Variants in COL15A1 observed in about 807,000 individuals in gnomAD.
The protein encoded by COL15A1 is collagen type XV alpha 1 chain, also known as collagen alpha-1(XV) chain.
Under a neutral mutation model 165.9 loss-of-function variants are expected in COL15A1, and 111 were observed. The ratio of observed to expected loss-of-function variants is 0.67; its 90% confidence interval spans 0.57 to 0.78. The LOEUF (loss-of-function observed/expected upper bound fraction) is 0.78, where lower values mean the gene tolerates loss of function less well. Among genes scored for constraint, COL15A1 ranks in the 30% least tolerant of loss-of-function variants. The pLI, the probability that COL15A1 is intolerant of heterozygous loss-of-function variation, is 0.00. For missense variants in COL15A1, 1,745 were observed against 1,789.7 expected (o/e 0.98, Z 0.45); for synonymous variants, 659 against 674.8 (o/e 0.98, Z 0.36).
intron 4 of COL15A1, among the ~76,000 whole-genome samples, chr9:98,988,387 G>A (rs896991479): frequency 8.5e-5 from 13 of 152,124 alleles, no homozygotes; most frequent in African/African-American, 3.1e-4. Context: ...AAGAACAAGG[G>A]ATTGGTTACA....
rs1839097224 is a variant in COL15A1, at chr9:99,024,970, G to A, written c.1951G>A (p.Asp651Asn). ...FMGPPGSPGEDGPAGEPGPPG... is the reference protein window; with the variant it reads ...FMGPPGSPGENGPAGEPGPPG... ...GGGACCCCCTGGATCTCCTGGAGAG[G>A]ATGGACCTGCTGGTGAACCTGGGCC... Residue 651 changes from aspartate to asparagine, a missense_variant, in exon 15 of 42, where the codon GAT (aspartate) becomes AAT (asparagine). Physicochemically the swap from Asp to Asn is conservative, Grantham distance 23. Coordinates refer to ENST00000375001, the MANE Select transcript of COL15A1 (RefSeq NM_001855.5). The A allele has an allele frequency of 3.1e-6, 5 of 1,613,864 alleles. No individual in the cohort carries two copies. The African/African-American group carries it at 4.0e-5, about 13-fold the overall frequency.
In COL15A1 at chr9:99,035,074, C is replaced by T. The variant is rs142089094; in HGVS notation, c.2140C>T (p.Pro714Ser). The change falls in exon 18 of 42, where the codon CCT (proline) becomes TCT (serine). Residue 714 changes from proline (P) to serine (S), a missense_variant. Pro to Ser is a moderately conservative substitution (Grantham distance 74, BLOSUM62 -1). Coordinates refer to ENST00000375001, the MANE Select transcript of COL15A1 (RefSeq NM_001855.5). ...PPGKKGQAGP[P>S]GVMGPPGPPG... Reference sequence around the variant, plus strand: ...GGGGAAAAAGGGACAAGCTGGCCCTCCTGGGGTCATGGGACCCCCAGGGCC... The same window carrying T: ...GGGGAAAAAGGGACAAGCTGGCCCTTCTGGGGTCATGGGACCCCCAGGGCC... 3.2e-4 allele frequency: 512 copies of T among 1,610,530 alleles called. No homozygotes were observed. In the African/African-American group the frequency reaches 5.6e-3, roughly 18 times the overall value.
Position 98,944,041 on chromosome 9 carries a change from G to C in COL15A1, c.-21G>C. 3.1e-6 allele frequency: 5 copies of C among 1,613,720 alleles called. No individual in the cohort carries two copies. The highest frequency in any genetic ancestry group is 4.2e-6 in the Non-Finnish European group (5 of 1,179,738). Reference sequence around the variant, plus strand: ...CTGCTCGACTAGCCGCGCGCCTTCCGGGGCTCCGCAGACCCGCGAGATGGC... The same window carrying C: ...CTGCTCGACTAGCCGCGCGCCTTCCCGGGCTCCGCAGACCCGCGAGATGGC... On this transcript the variant is annotated 5_prime_UTR_variant, in exon 1 of 42. Transcript: ENST00000375001.
chr9:99,021,833 A>G (rs577655536), intron 12 of COL15A1, among the ~76,000 whole-genome samples: 317 of 152,258 alleles, frequency 2.1e-3, no homozygotes, highest in African/African-American at 7.1e-3. Flanking sequence ...GGAAGAAGGG[A>G]GGGTGTGTGT....
intron 2 of COL15A1, among the ~76,000 whole-genome samples, chr9:98,983,994 C>T (rs1190744092): frequency 2.0e-5 from 3 of 152,160 alleles, no homozygotes; most frequent in African/African-American, 4.8e-5. Context: ...GAGACAAACC[C>T]GCCAAGTCCT....
chr9:99,010,256 A>C lies in COL15A1; in HGVS notation c.1354-5161A>C, dbSNP rs115346216. Among the ~76,000 whole-genome samples the C allele has an allele frequency of 1.8e-3, 272 of 152,372 alleles. 1 individual carries two copies. The highest frequency in any genetic ancestry group is 6.3e-3 in the African/African-American group (264 of 41,594). ...AATGGCACAAGTACTTTAAAAGCAC[A>C]TACAGAAATGTAGAGCACCTGATTC... On this transcript the variant is annotated intron_variant, in intron 9 of 41. Transcript: ENST00000375001.
intron 16 of COL15A1, among the ~76,000 whole-genome samples, chr9:99,033,141 G>C (rs1839235574): frequency 6.6e-6 from 1 of 152,188 alleles, no homozygotes; most frequent in Non-Finnish European, 1.5e-5. Flanking sequence ...TTCTGCCTCT[G>C]TTGGTGCAGA....
chr9:99,066,599 GTTTTTTTTTTTT>G (rs67961829), intron 39 of COL15A1, among the ~76,000 whole-genome samples: 4 of 71,082 alleles, frequency 5.6e-5, no homozygotes, highest in East Asian at 7.3e-4. Context: ...ATTTTGTTCT[GTTTTTTTTTTTT>G]TTTTTTTTTT....
At chr9:98,947,217 A>G (rs1837601731) in intron 2 of COL15A1, among the ~76,000 whole-genome samples, 1 of 152,214 alleles carries the variant, frequency 6.6e-6, no homozygotes, top group African/African-American at 2.4e-5. Context: ...TCAGCAATAA[A>G]AAGGAATGAA....
At chr9:99,026,219 AG>A in intron 16 of COL15A1, among the ~76,000 whole-genome samples, 1 of 152,270 alleles carries the variant, frequency 6.6e-6, no homozygotes, top group East Asian at 1.9e-4. Context: ...GGTCACCTGG[AG>A]CGAGAAATGG....
intron 40 of COL15A1, among the ~76,000 whole-genome samples, chr9:99,068,317 T>TA (rs1453961158): frequency 2.0e-5 from 3 of 151,720 alleles, no homozygotes. Flanking sequence ...AATACAAAAT[T>TA]AGCCGGGTAT....
Position 98,997,084 on chromosome 9 carries a change from A to G in COL15A1, c.952+3A>G, listed in dbSNP as rs1233532276. On this transcript the variant is annotated splice_donor_region_variant and intron_variant, in intron 6 of 41. Coordinates refer to ENST00000375001, the MANE Select transcript of COL15A1 (RefSeq NM_001855.5). ...CCAGCACAGCAGCCCCAAACAAGGC[A>G]AGTCCGGATGCACATGCCTACGTAG... 4.3e-6 allele frequency: 7 copies of G among 1,614,064 alleles called. No homozygotes were observed. The highest frequency in any genetic ancestry group is 5.9e-6 in the Non-Finnish European group (7 of 1,180,024).
At chr9:99,040,474 G>T (rs1336286983) in intron 22 of COL15A1, 47 bp from the exon 23 acceptor site, 5 of 1,614,018 alleles carry the variant, frequency 3.1e-6, no homozygotes, top group Non-Finnish European at 4.2e-6. Flanking sequence ...GCTGACTCTG[G>T]AAATGCCGCT....
intron 9 of COL15A1, among the ~76,000 whole-genome samples, chr9:99,013,638 C>T (rs1241066259): frequency 1.3e-5 from 2 of 151,808 alleles, no homozygotes; most frequent in Non-Finnish European, 2.9e-5. Context: ...ATTATACACA[C>T]TAAGGTCAAA....
At chr9:99,002,331 C>A (rs1838673758) in intron 7 of COL15A1, among the ~76,000 whole-genome samples, 1 of 152,068 alleles carries the variant, frequency 6.6e-6, no homozygotes, top group East Asian at 1.9e-4. Context: ...GAAAATCAGA[C>A]ACCAGTCCCT....
In COL15A1 at chr9:99,044,600, A is replaced by T. The variant is rs1250107393; in HGVS notation, c.2607A>T (p.Thr869=). The T allele has an allele frequency of 8.1e-6, 13 of 1,614,182 alleles. No homozygotes were observed. The South Asian group carries it at 1.4e-4, about 18-fold the overall frequency. The part of the protein sequence containing the change: ...GEKGEPGAIL[T]EDIPLERLMG... Reference sequence around the variant, plus strand: ...AGGGAGAGCCGGGTGCCATCCTGACAGAGGACATTCCTCTGGAAAGGCTGA... The same window carrying T: ...AGGGAGAGCCGGGTGCCATCCTGACTGAGGACATTCCTCTGGAAAGGCTGA... Residue 869 remains threonine (T), a synonymous_variant, in exon 25 of 42, where the codon ACA becomes ACT. Coordinates refer to ENST00000375001, the MANE Select transcript of COL15A1 (RefSeq NM_001855.5).
rs773196929 is a variant in COL15A1 at position 99,024,277 on chromosome 9, G to GTTTTTTTTTTTTTTTTTTTTTTT, written c.1855-590_1855-589insTTTTTTTTTTTTTTTTTTTTTTT. Among the ~76,000 whole-genome samples the GTTTTTTTTTTTTTTTTTTTTTTT allele has an allele frequency of 3.7e-5, 4 of 108,628 alleles. 1 individual carries two copies. The highest frequency in any genetic ancestry group is 3.7e-5 in the African/African-American group (1 of 27,034). 71.3% of individuals were successfully genotyped at this position (108,628 alleles called of 152,430 possible). The stretch of plus-strand genomic sequence containing the variant: ...GGCTACACCACAAGCAGTTTTTTTT[G>GTTTTTTTTTTTTTTTTTTTTTTT]TTTTTTTGTTTTTTTTTTTTTGAGA... On this transcript the variant is annotated intron_variant, in intron 14 of 41. Coordinates refer to ENST00000375001, the MANE Select transcript of COL15A1 (RefSeq NM_001855.5).
chr9:99,063,472 A>C (rs1015866045), intron 39 of COL15A1, among the ~76,000 whole-genome samples: 1 of 152,222 alleles, frequency 6.6e-6, no homozygotes, highest in African/African-American at 2.4e-5. Context: ...AATTACAGGC[A>C]AAAGAGTAGA....
At chr9:99,066,605 T>TTTTTTG (rs1404078037) in intron 39 of COL15A1, among the ~76,000 whole-genome samples, 38 of 120,788 alleles carry the variant, frequency 3.1e-4, no homozygotes, top group Admixed American at 6.4e-4. Context: ...TTCTGTTTTT[T>TTTTTTG]TTTTTTTTTT....
Sources: gnomAD v4.1 joint callset for allele counts (sites outside exome capture counted in the v4.1 genomes callset) on GRCh38, gnomAD v4.1.1 for gene constraint, MANE v1.5 for transcripts, NCBI Gene and HGNC (gene_info 2026-07-23, HGNC 2026-07-21) for gene names.